RTP2: variants seen among roughly 807,000 people sequenced by gnomAD.
RTP2 encodes receptor transporter protein 2, also known as receptor-transporting protein 2.
In RTP2, 12 loss-of-function variants were observed where a neutral mutation model predicts 17.9. That is an observed-to-expected ratio of 0.67 (90% CI 0.43 to 1.09). The LOEUF (loss-of-function observed/expected upper bound fraction) is 1.09. Ranked by LOEUF, RTP2 falls within the 50% of genes least tolerant of loss-of-function variation. RTP2 has a pLI of 0.00. For synonymous variants in RTP2, 126 were observed against 117.7 expected (o/e 1.07, Z -0.46); for missense variants, 327 against 295.7 (o/e 1.11, Z -0.78).
chr3:187,700,093 C>T (rs371187404), intron 1 of RTP2, among the ~76,000 whole-genome samples: 1 of 152,202 alleles, frequency 6.6e-6, no homozygotes, highest in African/African-American at 2.4e-5. Flanking sequence ...TGTATGATGG[C>T]CTTGAAGGAC....
the RTP2 span, among the ~76,000 whole-genome samples, chr3:187,710,190 A>G: frequency 6.6e-6 from 1 of 151,740 alleles, no homozygotes; most frequent in South Asian, 2.1e-4. Flanking sequence ...CCTGCCCTCA[A>G]CTCCTGATTC....
chr3:187,705,636 G>A (rs183108715), upstream of RTP2, among the ~76,000 whole-genome samples: 21 of 152,084 alleles, frequency 1.4e-4, no homozygotes, highest in African/African-American at 4.8e-5. Context: ...TAAATAGAAC[G>A]AATTTTACCT....
At position 187,698,987 on chromosome 3, in the gene RTP2, G is replaced by A. The variant is rs775369137; in HGVS notation, c.189C>T (p.His63=). Residue 63 remains histidine (H), a synonymous_variant, in exon 2 of 2, where the codon CAC becomes CAT. Coordinates refer to ENST00000358241, the Ensembl canonical transcript of RTP2. ...TGACCACATGGGCAGACTGCCAGGT[G>A]TGCCAGCACCAGGAGCAGTGGAACC... 4.4e-6 allele frequency: 7 copies of A among 1,591,866 alleles called. No homozygotes were observed. The East Asian group carries it at 1.1e-4, about 26-fold the overall frequency.
At chr3:187,705,383 C>T (rs1217706811), upstream of RTP2, among the ~76,000 whole-genome samples, 1 of 152,192 alleles carries the variant, frequency 6.6e-6, no homozygotes, top group Non-Finnish European at 1.5e-5. Flanking sequence ...CACTCCTAGC[C>T]ATCAAGGCAG....
chr3:187,701,994 C>T (rs1717862127), exon 1 of RTP2: 1 of 1,609,966 alleles, frequency 6.2e-7, no homozygotes, highest in Non-Finnish European at 8.5e-7. Context: ...CCAGGTACTG[C>T]TTCCAGCCAG....
chr3:187,709,902 G>C, the RTP2 span, among the ~76,000 whole-genome samples: 1 of 152,004 alleles, frequency 6.6e-6, no homozygotes, highest in Non-Finnish European at 1.5e-5. Flanking sequence ...GAGAGGACAT[G>C]CATTGGCAAC....
chr3:187,701,827 C>G, intron 1 of RTP2, 138 bp downstream of exon 1: 1 of 716,148 alleles, frequency 1.4e-6, no homozygotes, highest in Admixed American at 2.7e-5. Flanking sequence ...TCTGACCCAG[C>G]CGGCTGTCTT....
chr3:187,699,233 G>T (rs917885046), intron 1 of RTP2, among the ~76,000 whole-genome samples: 50 of 152,134 alleles, frequency 3.3e-4, no homozygotes, highest in Admixed American at 3.1e-3. Flanking sequence ...CAGTGCCGGA[G>T]CCATCTGGCA....
chr3:187,701,991 C>A, exon 1 of RTP2: 1 of 1,609,536 alleles, frequency 6.2e-7, no homozygotes, highest in Non-Finnish European at 8.5e-7. Context: ...GCTCCAGGTA[C>A]TGCTTCCAGC....
chr3:187,709,125 C>G, the RTP2 span, among the ~76,000 whole-genome samples: 1 of 152,008 alleles, frequency 6.6e-6, no homozygotes, highest in Non-Finnish European at 1.5e-5. Context: ...TTCATTTTTT[C>G]CAAGTTACTA....
chr3:187,710,062 C>T, the RTP2 span, among the ~76,000 whole-genome samples: 5 of 152,186 alleles, frequency 3.3e-5, no homozygotes, highest in Middle Eastern at 3.4e-3. Context: ...AGCAGATGGC[C>T]CTCCCAACGT....
chr3:187,710,630 C>CATACACACACACAAACACAT, the RTP2 span, among the ~76,000 whole-genome samples: 3 of 151,812 alleles, frequency 2.0e-5, no homozygotes, highest in East Asian at 5.8e-4. Flanking sequence ...TACAAATACA[C>CATACACACACACAAACACAT]ATACACACAC....
At chr3:187,707,737 A>G in the RTP2 span, among the ~76,000 whole-genome samples, 4 of 152,216 alleles carry the variant, frequency 2.6e-5, no homozygotes, top group Admixed American at 6.5e-5. Flanking sequence ...TCCTATTTGC[A>G]TATCAACAAT....
At chr3:187,698,773 C>A in exon 2 of RTP2, 3 of 1,613,986 alleles carry the variant, frequency 1.9e-6, no homozygotes, top group Non-Finnish European at 2.5e-6. Context: ...CGGTACTGGC[C>A]ACCATCCTCC....
upstream of RTP2, among the ~76,000 whole-genome samples, chr3:187,703,372 C>G (rs1262532456): frequency 6.6e-6 from 1 of 152,208 alleles, no homozygotes; most frequent in African/African-American, 2.4e-5. Flanking sequence ...AGTGTGAAGT[C>G]AGGGACAATG....
At chr3:187,706,638 C>T (rs62277799), upstream of RTP2, among the ~76,000 whole-genome samples, 5,111 of 152,186 alleles carry the variant, frequency 0.034, 124 homozygotes, top group Non-Finnish European at 0.051. Context: ...AGTCTCACTA[C>T]GTCAAGCAAG....
chr3:187,700,833 T>G (rs944771277), intron 1 of RTP2, among the ~76,000 whole-genome samples: 1 of 152,192 alleles, frequency 6.6e-6, no homozygotes, highest in African/African-American at 2.4e-5. Context: ...AGGTACCCAA[T>G]AGATGCTTCT....
the RTP2 span, among the ~76,000 whole-genome samples, chr3:187,713,139 G>A: frequency 2.0e-5 from 3 of 152,192 alleles, no homozygotes; most frequent in African/African-American, 7.2e-5. Flanking sequence ...GGAGGAGATT[G>A]AGATGTACCC....
chr3:187,713,914 C>T, the RTP2 span, among the ~76,000 whole-genome samples: 1 of 152,210 alleles, frequency 6.6e-6, no homozygotes, highest in Middle Eastern at 3.4e-3. Flanking sequence ...GTCTCCAGAC[C>T]CTATTCTCCT....
Sources: allele counts gnomAD v4.1 joint callset (sites outside exome capture counted in the v4.1 genomes callset), GRCh38; gene constraint gnomAD v4.1.1; transcripts MANE v1.5; gene names NCBI Gene and HGNC (gene_info 2026-07-23, HGNC 2026-07-21).